Variants in GLIS1 observed in about 807,000 individuals in gnomAD.
GLIS1 encodes GLIS family zinc finger 1, also known as zinc finger protein GLIS1.
A neutral mutation model predicts 63.8 loss-of-function variants in GLIS1; 24 were observed. That is an observed-to-expected ratio of 0.38 (90% CI 0.27 to 0.53). GLIS1 has a LOEUF of 0.53. Ranked by LOEUF, GLIS1 falls within the 20% of genes least tolerant of loss-of-function variation. The pLI, the probability that GLIS1 is intolerant of heterozygous loss-of-function variation, is 0.85. For missense variants in GLIS1, 1,036 were observed against 1,074.1 expected (o/e 0.96, Z 0.50); for synonymous variants, 450 against 482.5 (o/e 0.93, Z 0.88).
chr1:53,708,767 C>A (rs1389919863), intron 2 of GLIS1, among the ~76,000 whole-genome samples: 1 of 152,132 alleles, frequency 6.6e-6, no homozygotes, highest in Non-Finnish European at 1.5e-5. Flanking sequence ...TGACCACCTG[C>A]AGTCCTTATG....
intron 2 of GLIS1, among the ~76,000 whole-genome samples, chr1:53,659,316 C>G (rs1646001393): frequency 6.6e-6 from 1 of 152,180 alleles, no homozygotes. Context: ...GGTGGCTCGG[C>G]TCTGCAGGAG....
intron 2 of GLIS1, among the ~76,000 whole-genome samples, chr1:53,683,135 A>T (rs1464415891): frequency 6.6e-6 from 1 of 151,852 alleles, no homozygotes; most frequent in Non-Finnish European, 1.5e-5. Flanking sequence ...AGGCGAGTTC[A>T]GTCCTGGCAT....
chr1:53,690,792 G>A (rs758654062), intron 2 of GLIS1, among the ~76,000 whole-genome samples: 38 of 152,200 alleles, frequency 2.5e-4, no homozygotes, highest in Non-Finnish European at 4.6e-4. Flanking sequence ...TGATGATGTC[G>A]ATGTGAGAAC....
chr1:53,555,237 T>C (rs1310387995), intron 4 of GLIS1, among the ~76,000 whole-genome samples: 1 of 152,190 alleles, frequency 6.6e-6, no homozygotes, highest in Non-Finnish European at 1.5e-5. Flanking sequence ...TGTGCCACCA[T>C]CAGCTCATGC....
chr1:53,737,486 T>C (rs1488902546), intron 2 of GLIS1, among the ~76,000 whole-genome samples: 1 of 152,240 alleles, frequency 6.6e-6, no homozygotes, highest in Admixed American at 6.5e-5. Flanking sequence ...TACCAATATA[T>C]GCGTTGCTAT....
intron 5 of GLIS1, among the ~76,000 whole-genome samples, chr1:53,525,241 A>G (rs1228563678): frequency 6.6e-6 from 1 of 151,664 alleles, no homozygotes; most frequent in Non-Finnish European, 1.5e-5. Flanking sequence ...GCAAGTAAGC[A>G]TTGAGCAGAC....
intron 2 of GLIS1, among the ~76,000 whole-genome samples, chr1:53,633,430 G>C (rs565206999): frequency 4.0e-5 from 6 of 151,074 alleles, no homozygotes; most frequent in African/African-American, 1.5e-4. Context: ...GTGTGACTGA[G>C]GGGTGTGAAT....
intron 2 of GLIS1, chr1:53,734,016 T>C: frequency 1.0e-6 from 1 of 984,684 alleles, no homozygotes; most frequent in Non-Finnish European, 1.2e-6. Context: ...CATGACTTAC[T>C]GTCCACCGCC....
At chr1:53,625,235 C>G (rs1407536763) in intron 2 of GLIS1, among the ~76,000 whole-genome samples, 1 of 152,176 alleles carries the variant, frequency 6.6e-6, no homozygotes, top group Non-Finnish European at 1.5e-5. Context: ...GGAGATGACC[C>G]TGAAAGAGTA....
chr1:53,652,230 T>C (rs545234660), intron 2 of GLIS1, among the ~76,000 whole-genome samples: 1 of 152,290 alleles, frequency 6.6e-6, no homozygotes, highest in African/African-American at 2.4e-5. Context: ...TCATCAAAGG[T>C]TGGGCCCCTT....
chr1:53,591,626 G>A (rs1470078165), intron 4 of GLIS1, among the ~76,000 whole-genome samples: 5 of 152,176 alleles, frequency 3.3e-5, no homozygotes, highest in Non-Finnish European at 5.9e-5. Context: ...CTGAACCTCA[G>A]TTTCCTCATC....
At chr1:53,654,988 G>A (rs971660347) in intron 2 of GLIS1, among the ~76,000 whole-genome samples, 8 of 152,196 alleles carry the variant, frequency 5.3e-5, no homozygotes, top group African/African-American at 1.9e-4. Context: ...TGGGGATGGG[G>A]ATGACTCAAC....
Position 53,526,579 on chromosome 1 carries a change from C to T in GLIS1, c.1483-1692G>A, listed in dbSNP as rs1644471572. On this transcript the variant is annotated intron_variant, in intron 5 of 10. Transcript: ENST00000628545. This position sits in a 1 kb window ranked among gnomAD's most constrained non-coding sequence, Gnocchi z 4.4. ...AAACCACCACCACCACACACACACA[C>T]CACACCATACACACCCACGCACGGC... Among the ~76,000 whole-genome samples the T allele has an allele frequency of 6.6e-6, 1 of 151,504 alleles. No homozygotes were observed. The highest frequency in any genetic ancestry group is 2.1e-4 in the South Asian group (1 of 4,772).
intron 4 of GLIS1, among the ~76,000 whole-genome samples, chr1:53,565,989 C>A (rs1426409929): frequency 2.0e-5 from 3 of 151,956 alleles, no homozygotes; most frequent in Non-Finnish European, 2.9e-5. Flanking sequence ...GGGTGGATCC[C>A]AAGAATGTAA....
intron 2 of GLIS1, among the ~76,000 whole-genome samples, chr1:53,703,141 C>T (rs1214300957): frequency 2.6e-5 from 4 of 152,188 alleles, no homozygotes; most frequent in African/African-American, 7.2e-5. Context: ...TGGAAGCCGA[C>T]GTTTACTGCA....
At chr1:53,727,840 G>C (rs1325804658) in intron 2 of GLIS1, among the ~76,000 whole-genome samples, 1 of 152,242 alleles carries the variant, frequency 6.6e-6, no homozygotes, top group African/African-American at 2.4e-5. Context: ...GATGGTATCT[G>C]CATGTGAGAA....
chr1:53,614,136 G>A (rs974563074), intron 2 of GLIS1, among the ~76,000 whole-genome samples: 1 of 152,110 alleles, frequency 6.6e-6, no homozygotes, highest in African/African-American at 2.4e-5. Flanking sequence ...CCAAAAATGC[G>A]GTGTTCCAGT....
chr1:53,682,500 G>C (rs945079504), intron 2 of GLIS1, among the ~76,000 whole-genome samples: 1 of 152,256 alleles, frequency 6.6e-6, no homozygotes, highest in Non-Finnish European at 1.5e-5. Flanking sequence ...CATAAGGGAT[G>C]CTGAGGCACA....
chr1:53,586,857 A>G (rs559949538), intron 4 of GLIS1, among the ~76,000 whole-genome samples: 1 of 152,328 alleles, frequency 6.6e-6, no homozygotes, highest in East Asian at 1.9e-4. Context: ...AGATAATCAC[A>G]GGGCAGAGCC....
Sources: gnomAD v4.1 joint callset for allele counts (sites outside exome capture counted in the v4.1 genomes callset) on GRCh38, gnomAD v4.1.1 for gene constraint, Gnocchi (gnomAD v3.1) non-coding constraint, MANE v1.5 for transcripts, NCBI Gene and HGNC (gene_info 2026-07-23, HGNC 2026-07-21) for gene names.